The following AKAP6 variants were observed in gnomAD, a reference collection of about 807,000 sequenced individuals.
AKAP6 encodes the protein A-kinase anchor protein 6.
AKAP6 carries 58 observed loss-of-function variants against 188.5 expected under a neutral mutation model. The ratio of observed to expected loss-of-function variants is 0.31; its 90% CI spans 0.25 to 0.38. The LOEUF is 0.38. AKAP6 is among the 10% of genes least tolerant of loss of function. The pLI is 1.00. For missense variants in AKAP6, 2,710 were observed against 2,740.0 expected (o/e 0.99, Z 0.24); for synonymous variants, 989 against 998.6 (o/e 0.99, Z 0.18).
At chr14:32,366,178 G>T (rs1397881394) in intron 1 of AKAP6, among the ~76,000 whole-genome samples, 1 of 152,024 alleles carries the variant, frequency 6.6e-6, no homozygotes, top group Non-Finnish European at 1.5e-5. Flanking sequence ...CATGAAGAGA[G>T]CCACCTGTGC....
intron 1 of AKAP6, among the ~76,000 whole-genome samples, chr14:32,329,672 G>C (rs1400255761): frequency 1.3e-5 from 2 of 152,050 alleles, no homozygotes; most frequent in African/African-American, 4.8e-5. Flanking sequence ...ATAAACATAA[G>C]ATGATTTTTC....
intron 5 of AKAP6, among the ~76,000 whole-genome samples, chr14:32,584,992 G>A (rs908287014): frequency 7.9e-5 from 12 of 151,186 alleles, no homozygotes; most frequent in Admixed American, 7.9e-4. Context: ...ATAAATAGAA[G>A]CATAGTGAAT....
chr14:32,334,785 A>T (rs886239068), intron 1 of AKAP6, among the ~76,000 whole-genome samples: 2 of 152,076 alleles, frequency 1.3e-5, no homozygotes, highest in African/African-American at 4.8e-5. Flanking sequence ...TGGCTTTAAG[A>T]TTTGGTGAAG....
intron 5 of AKAP6, among the ~76,000 whole-genome samples, chr14:32,598,993 A>G (rs1885813864): frequency 6.6e-6 from 1 of 152,204 alleles, no homozygotes; most frequent in South Asian, 2.1e-4. Flanking sequence ...ATGGATTTAT[A>G]TATGTGCACA....
At chr14:32,693,502 A>G (rs1890268085) in intron 8 of AKAP6, 1 of 151,626 alleles carries the variant, frequency 6.6e-6, no homozygotes, top group Admixed American at 6.6e-5. Context: ...CAACATCCCC[A>G]CTCCAGGTTA....
intron 1 of AKAP6, among the ~76,000 whole-genome samples, chr14:32,386,251 C>T (rs1888534918): frequency 1.3e-5 from 2 of 152,074 alleles, no homozygotes; most frequent in South Asian, 2.1e-4. Context: ...CTGTTCACCA[C>T]ATCCATGCCA....
At chr14:32,649,344 T>G (rs992436705) in intron 7 of AKAP6, among the ~76,000 whole-genome samples, 10 of 152,200 alleles carry the variant, frequency 6.6e-5, no homozygotes, top group Non-Finnish European at 1.3e-4. Context: ...GCCATTTAAC[T>G]TCTGTCAAAT....
chr14:32,532,526 G>A (rs1882468905), intron 2 of AKAP6, among the ~76,000 whole-genome samples: 2 of 152,152 alleles, frequency 1.3e-5, no homozygotes, highest in African/African-American at 4.8e-5. Context: ...TTACAAAGGA[G>A]CCAAATCATG....
chr14:32,457,245 A>G (rs1891176558), intron 2 of AKAP6, among the ~76,000 whole-genome samples: 1 of 152,220 alleles, frequency 6.6e-6, no homozygotes, highest in South Asian at 2.1e-4. Context: ...GAGGAAATCC[A>G]ATATAGAAAA....
chr14:32,404,154 A>G (rs937717192), intron 1 of AKAP6, among the ~76,000 whole-genome samples: 1 of 152,148 alleles, frequency 6.6e-6, no homozygotes, highest in Non-Finnish European at 1.5e-5. Flanking sequence ...CTTTTAGTAG[A>G]GTCTTTTAGT....
At chr14:32,405,739 AG>A (rs1243418627) in intron 1 of AKAP6, among the ~76,000 whole-genome samples, 1 of 152,106 alleles carries the variant, frequency 6.6e-6, no homozygotes, top group East Asian at 1.9e-4. Context: ...ATAACCATCT[AG>A]CTTTTCCCCT....
At chr14:32,581,813 C>A (rs1214555298) in intron 5 of AKAP6, among the ~76,000 whole-genome samples, 1 of 151,834 alleles carries the variant, frequency 6.6e-6, no homozygotes, top group Non-Finnish European at 1.5e-5. Context: ...ACTAGGATTG[C>A]AATCCCTGCC....
At chr14:32,812,273 C>T (rs2034255999) in intron 12 of AKAP6, among the ~76,000 whole-genome samples, 2 of 152,174 alleles carry the variant, frequency 1.3e-5, no homozygotes, top group Non-Finnish European at 2.9e-5. Context: ...GGGATTTTTA[C>T]AACTTCATTG....
chr14:32,782,599 A>G (rs2033286177), intron 12 of AKAP6, among the ~76,000 whole-genome samples: 1 of 152,144 alleles, frequency 6.6e-6, no homozygotes, highest in African/African-American at 2.4e-5. Flanking sequence ...ATTATATTCT[A>G]GATATTACTG....
rs527362422 is a variant in AKAP6 at position 32,832,667 on chromosome 14, C to G, written c.*2862C>G. The stretch of plus-strand genomic sequence containing the variant: ...GTGGCTCATTGTCTGTTAAGGCAAA[C>G]TGTTCCACTGTTGGGCATATCTCTT... On this transcript the variant is annotated 3_prime_UTR_variant, in exon 14 of 14. Coordinates refer to ENST00000280979, the MANE Select transcript of AKAP6 (RefSeq NM_004274.5). 2 of 152,288 alleles carry G rather than the reference C, an allele frequency of 1.3e-5. No individual in the cohort carries two copies. Among genetic ancestry groups the G allele is most frequent in the South Asian group, 4.1e-4 (2 of 4,834 alleles). The allele number at this position is 152,288 out of a possible 1,614,324, so 9.4% of individuals were successfully genotyped here. A position where few individuals can be genotyped will look rare whatever the true frequency, so the allele number is the denominator to read the frequency against.
intron 12 of AKAP6, among the ~76,000 whole-genome samples, chr14:32,804,819 C>T (rs2034047182): frequency 6.6e-6 from 1 of 152,070 alleles, no homozygotes; most frequent in Admixed American, 6.5e-5. Context: ...ATTCCTTTCC[C>T]AGGGTATTAA....
chr14:32,616,532 G>C (rs1257817663), intron 7 of AKAP6, among the ~76,000 whole-genome samples: 3 of 152,156 alleles, frequency 2.0e-5, no homozygotes, highest in Non-Finnish European at 4.4e-5. Context: ...TCACTTATAA[G>C]TGGGAGCTAA....
At chr14:32,569,441 T>C (rs1292548073) in intron 4 of AKAP6, among the ~76,000 whole-genome samples, 1 of 152,166 alleles carries the variant, frequency 6.6e-6, no homozygotes, top group Non-Finnish European at 1.5e-5. Context: ...CTGTGTTGGA[T>C]TTTCTAGGTA....
chr14:32,764,979 G>A (rs1442817335), intron 11 of AKAP6, among the ~76,000 whole-genome samples: 1 of 150,026 alleles, frequency 6.7e-6, no homozygotes, highest in Admixed American at 6.7e-5. Flanking sequence ...CTGTCACCAG[G>A]GCTGGAATGC....
Sources: gnomAD v4.1 joint callset for allele counts (sites outside exome capture counted in the v4.1 genomes callset) on GRCh38, gnomAD v4.1.1 for gene constraint, MANE v1.5 for transcripts, NCBI Gene and HGNC (gene_info 2026-07-23, HGNC 2026-07-21) for gene names.